The following RBFOX1 variants were observed in gnomAD, a reference collection of about 807,000 sequenced individuals.
RBFOX1 encodes the protein RNA binding protein fox-1 homolog 1.
RBFOX1 carries 8 observed loss-of-function variants against 57.7 expected under a neutral mutation model. The observed-to-expected ratio is 0.14, with a 90% confidence interval of 0.08 to 0.25. The LOEUF (loss-of-function observed/expected upper bound fraction) is 0.25, where lower values mean the gene tolerates loss of function less well. Ranked by LOEUF, RBFOX1 falls within the 10% of genes least tolerant of loss-of-function variation. RBFOX1 has a pLI of 1.00. For synonymous variants in RBFOX1, 326 were observed against 222.4 expected (o/e 1.47, Z -4.15); for missense variants, 611 against 548.5 (o/e 1.11, Z -1.14).
At chr16:7,582,943 C>T (rs11866295) in intron 6 of RBFOX1, among the ~76,000 whole-genome samples, 2 of 152,140 alleles carry the variant, frequency 1.3e-5, no homozygotes, top group Non-Finnish European at 2.9e-5. Context: ...ACGTCTGTAA[C>T]CACTAATAAT....
intron 2 of RBFOX1, among the ~76,000 whole-genome samples, chr16:5,477,969 T>A (rs2069390273): frequency 6.6e-6 from 1 of 152,186 alleles, no homozygotes; most frequent in Admixed American, 6.5e-5. Flanking sequence ...CGCATCACCG[T>A]GGCCCACCTC....
chr16:6,182,932 T>C (rs1250304576), intron 1 of RBFOX1, among the ~76,000 whole-genome samples: 1 of 152,306 alleles, frequency 6.6e-6, no homozygotes, highest in African/African-American at 2.4e-5. Context: ...TTCATTAAAA[T>C]GTGTTTATAC....
chr16:5,974,623 T>C (rs187846364), intron 4 of RBFOX1, among the ~76,000 whole-genome samples: 1 of 151,516 alleles, frequency 6.6e-6, no homozygotes, highest in Admixed American at 6.6e-5. Context: ...AGAAATAAAA[T>C]AAAATAAGAT....
At chr16:6,759,395 C>T (rs1210660720) in intron 3 of RBFOX1, among the ~76,000 whole-genome samples, 1 of 151,716 alleles carries the variant, frequency 6.6e-6, no homozygotes, top group Non-Finnish European at 1.5e-5. Context: ...AGGTGATCTG[C>T]CTGCCTCAGC....
At chr16:6,449,682 G>A (rs554026832) in intron 2 of RBFOX1, among the ~76,000 whole-genome samples, 91 of 152,264 alleles carry the variant, frequency 6.0e-4, no homozygotes, top group African/African-American at 2.0e-3. Flanking sequence ...AATCTCTAAC[G>A]TTGCATTCTG....
At chr16:6,224,416 A>G (rs1425875371) in intron 1 of RBFOX1, among the ~76,000 whole-genome samples, 2 of 152,050 alleles carry the variant, frequency 1.3e-5, no homozygotes, top group Non-Finnish European at 2.9e-5. Flanking sequence ...GAGGTCCTTC[A>G]TGTCCCTTGT....
At chr16:6,145,923 G>A (rs2096754576) in intron 1 of RBFOX1, among the ~76,000 whole-genome samples, 1 of 152,134 alleles carries the variant, frequency 6.6e-6, no homozygotes, top group Non-Finnish European at 1.5e-5. Context: ...TCACCTGACT[G>A]AGGATGAATT....
chr16:6,836,122 C>G (rs573686947), intron 3 of RBFOX1, among the ~76,000 whole-genome samples: 1 of 152,162 alleles, frequency 6.6e-6, no homozygotes, highest in African/African-American at 2.4e-5. Flanking sequence ...CATTCCTTTT[C>G]TACAATTTAT....
intron 2 of RBFOX1, among the ~76,000 whole-genome samples, chr16:6,527,174 G>A (rs2096592598): frequency 6.6e-6 from 1 of 152,098 alleles, no homozygotes; most frequent in Admixed American, 6.6e-5. Context: ...AAGGGATATA[G>A]GGAAAAAGTA....
chr16:6,741,975 G>A (rs2072303043), intron 3 of RBFOX1, among the ~76,000 whole-genome samples: 1 of 152,144 alleles, frequency 6.6e-6, no homozygotes, highest in Non-Finnish European at 1.5e-5. Context: ...ATCATTAACA[G>A]AGTAGATTTC....
chr16:6,835,769 A>G (rs2093050213), intron 3 of RBFOX1, among the ~76,000 whole-genome samples: 1 of 151,052 alleles, frequency 6.6e-6, no homozygotes, highest in East Asian at 2.0e-4. Context: ...AAAAAAAAAA[A>G]AAAAAAAAAA....
intron 3 of RBFOX1, among the ~76,000 whole-genome samples, chr16:6,873,518 G>C (rs962336423): frequency 6.6e-6 from 1 of 152,038 alleles, no homozygotes; most frequent in Non-Finnish European, 1.5e-5. Flanking sequence ...GTGGATTATG[G>C]CTGTGTTCTT....
At chr16:6,315,299 T>G (rs1001309550) in intron 1 of RBFOX1, among the ~76,000 whole-genome samples, 2 of 148,012 alleles carry the variant, frequency 1.4e-5, no homozygotes, top group Admixed American at 1.3e-4. Context: ...GGATGGGTAG[T>G]TAAATGGGGG....
At chr16:7,132,337 C>A (rs777325964) in intron 4 of RBFOX1, among the ~76,000 whole-genome samples, 1 of 151,732 alleles carries the variant, frequency 6.6e-6, no homozygotes, top group Admixed American at 6.6e-5. Flanking sequence ...TAATTGAACT[C>A]CTATGTTCAC....
chr16:6,203,057 T>A (rs1014999902), intron 1 of RBFOX1, among the ~76,000 whole-genome samples: 22 of 152,080 alleles, frequency 1.4e-4, no homozygotes, highest in African/African-American at 5.3e-4. Context: ...ATTATAGGTG[T>A]GAGCCACCGT....
At chr16:5,467,185 TCTCTCTCTCTC>T in intron 1 of RBFOX1, 1 of 1,455,394 alleles carries the variant, frequency 6.9e-7, no homozygotes, top group Non-Finnish European at 9.2e-7. Context: ...TCTCTCTCTC[TCTCTCTCTCTC>T]TTTTTTTTTT....
At chr16:6,864,617 G>A (rs1200021538) in intron 3 of RBFOX1, among the ~76,000 whole-genome samples, 1 of 148,808 alleles carries the variant, frequency 6.7e-6, no homozygotes, top group African/African-American at 2.5e-5. Flanking sequence ...CAGGATATTT[G>A]AGAATCAAGG....
At chr16:7,658,880 C>T (rs1382095235) in intron 12 of RBFOX1, among the ~76,000 whole-genome samples, 4 of 152,176 alleles carry the variant, frequency 2.6e-5, no homozygotes, top group Admixed American at 6.5e-5. Context: ...CACATGCCAC[C>T]ACACCCAGCT....
chr16:7,232,852 A>AT (rs1189220854), intron 4 of RBFOX1, among the ~76,000 whole-genome samples: 1 of 84,594 alleles, frequency 1.2e-5, no homozygotes, highest in East Asian at 1.3e-3. Context: ...TCATCTCTTA[A>AT]TTAAAAAAAA....
Sources: allele counts gnomAD v4.1 joint callset (sites outside exome capture counted in the v4.1 genomes callset), GRCh38; gene constraint gnomAD v4.1.1; transcripts MANE v1.5; gene names NCBI Gene and HGNC (gene_info 2026-07-23, HGNC 2026-07-21).